The following KMT2D variants were observed in gnomAD, a reference collection of about 807,000 sequenced individuals.
The protein encoded by KMT2D is lysine methyltransferase 2D, also known as histone-lysine N-methyltransferase 2D.
In KMT2D, 55 loss-of-function variants were observed where a neutral mutation model predicts 512.7. The ratio of observed to expected loss-of-function variants is 0.11; its 90% CI spans 0.09 to 0.13. KMT2D has a LOEUF of 0.13. KMT2D is among the 10% of genes least tolerant of loss of function. KMT2D has a pLI of 1.00. For missense variants in KMT2D, 6,061 were observed against 7,127.9 expected, an observed-to-expected ratio of 0.85 and a Z score of 5.39; for synonymous variants, 2,995 against 2,904.0, an observed-to-expected ratio of 1.03 and a Z score of -1.01.
At position 49,040,641 on chromosome 12, in the gene KMT2D, G is replaced by C. The variant is rs750933281; in HGVS notation, c.7129C>G (p.Pro2377Ala). The C allele has an allele frequency of 1.2e-6, 2 of 1,613,692 alleles. No homozygotes were observed. The highest frequency in any genetic ancestry group is 1.7e-6 in the Non-Finnish European group (2 of 1,179,764). ...DIFRPGSYTD[P>A]YAQPPLTPRP... is the part of the protein sequence containing the mutation. ...GGAGTCAATGGGGGCTGAGCATATGGGTCAGTGTAGGAGCCAGGGCGAAAG... is the reference window on the plus strand; with the variant it reads ...GGAGTCAATGGGGGCTGAGCATATGCGTCAGTGTAGGAGCCAGGGCGAAAG... The change falls in exon 32 of 55, where the codon CCA becomes GCA. Residue 2377 changes from proline (P) to alanine (A), a missense_variant. Around this residue, in one of 16 missense-constraint regions of KMT2D, gnomAD observed 710 missense variants for 647.3 expected, o/e 1.10. Transcript: ENST00000301067.
rs1938203013 is a variant in KMT2D at position 49,053,400 on chromosome 12, C to T, written c.839+76G>A. Reference sequence around the variant, plus strand: ...TTTTTGTTGTTTTCATGTTAACAGGCCTTCTCCGACTGCCCTCATTTTCAA... The same window carrying T: ...TTTTTGTTGTTTTCATGTTAACAGGTCTTCTCCGACTGCCCTCATTTTCAA... On this transcript the variant is annotated intron_variant, in intron 7 of 54. Transcript: ENST00000301067. 3 of 1,605,432 alleles carry T rather than the reference C, an allele frequency of 1.9e-6. No homozygotes were observed. The South Asian group carries it at 3.3e-5, about 18-fold the overall frequency.
Position 49,040,211 on chromosome 12 carries a change from C to G in KMT2D, c.7559G>C (p.Arg2520Pro), listed in dbSNP as rs369965791. ...CACAAATGCACCCGTCCCAGGGGAC[C>G]GGACAAAATTGGGGGGCTGCCCACT... The part of the protein sequence containing the change: ...VPSGQPPNFV[R>P]SPGTGAFVGT... The change falls in exon 32 of 55, where the codon CGG becomes CCG. Residue 2520 changes from arginine (R) to proline (P), a missense_variant. Arg to Pro is a moderately radical substitution (Grantham distance 103). This residue lies in a region of KMT2D where 710 missense variants were observed against 647.3 expected (regional missense o/e 1.10). Transcript: ENST00000301067. 1 of 1,613,218 alleles carries G rather than the reference C, an allele frequency of 6.2e-7. No individual in the cohort carries two copies. Among genetic ancestry groups the G allele is most frequent in the Admixed American group, 1.7e-5 (1 of 59,980 alleles).
intron 24 of KMT2D, 83 bp from the exon 25 acceptor site, chr12:49,043,511 G>T: frequency 5.0e-6 from 8 of 1,590,008 alleles, no homozygotes; most frequent in Non-Finnish European, 6.9e-6. Context: ...AGCCCTACAG[G>T]CCAGGACCCT....
At position 49,048,778 on chromosome 12, in the gene KMT2D, CAG is replaced by C. The variant is rs55776244; in HGVS notation, c.4021-11_4021-10del. ...CTATCAATGTCAGCAACCTGATGGG[CAG>C]AGAGTTATGGAAAGTGAGGCAGATA... On this transcript the variant is annotated splice_polypyrimidine_tract_variant and intron_variant, in intron 13 of 54. Transcript: ENST00000301067. 52,406 of 1,562,362 alleles carry C rather than the reference CAG, an allele frequency of 0.034. 1,417 individuals carry two copies. Among genetic ancestry groups the C allele is most frequent in the African/African-American group, 0.13 (9,778 of 73,986 alleles).
Position 49,033,230 on chromosome 12 carries a change from T to C in KMT2D, c.11475A>G (p.Arg3825=). The part of the protein sequence containing the change: ...PGALGPQGPH[R]QVLMTQSRVL... ...CCCGGGACTGGGTCATAAGCACCTG[T>C]CTGTGAGGGCCCTGGGGGCCCAAAG... Residue 3825 remains arginine, a synonymous_variant, in exon 40 of 55, where the codon AGA becomes AGG. Transcript: ENST00000301067. 1.9e-6 allele frequency: 3 copies of C among 1,552,222 alleles called. No homozygotes were observed. The highest frequency in any genetic ancestry group is 2.6e-6 in the Non-Finnish European group (3 of 1,147,402).
chr12:49,034,941 G>A lies in KMT2D; in HGVS notation c.10232-6C>T, dbSNP rs2120462409. ...TGCAGCAAATTTGTCCAGGTCTGGA[G>A]AGGGGAGAACCAAGTGAGCTGGGCT... is the stretch of plus-strand genomic sequence containing the variant. On this transcript the variant is annotated splice_polypyrimidine_tract_variant and splice_region_variant and intron_variant, in intron 35 of 54. Coordinates refer to ENST00000301067, the MANE Select transcript of KMT2D (RefSeq NM_003482.4). 3 of 1,613,940 alleles carry A rather than the reference G, an allele frequency of 1.9e-6. No individual in the cohort carries two copies. Among genetic ancestry groups the A allele is most frequent in the South Asian group, 1.1e-5 (1 of 91,070 alleles).
Position 49,038,627 on chromosome 12 carries a change from C to T in KMT2D, c.8729G>A (p.Ser2910Asn). 6.2e-7 allele frequency: 1 copy of T among 1,613,136 alleles called. No individual in the cohort carries two copies. Among genetic ancestry groups the T allele is most frequent in the Non-Finnish European group, 8.5e-7 (1 of 1,179,790 alleles). Residue 2910 changes from serine to asparagine, a missense_variant, in exon 35 of 55, where the codon AGT becomes AAT. Ser to Asn is a conservative substitution (Grantham distance 46). Coordinates refer to ENST00000301067, the MANE Select transcript of KMT2D (RefSeq NM_003482.4). This position sits in a 1 kb window ranked among gnomAD's most constrained non-coding sequence, Gnocchi z 5.7. Reference sequence around the variant, plus strand: ...AGGAGCCAGTCGGTGGGGGTCCTCACTTACAGGGTAAAAACGGGGTCTCTG... The same window carrying T: ...AGGAGCCAGTCGGTGGGGGTCCTCATTTACAGGGTAAAAACGGGGTCTCTG... Reference protein sequence around the residue: ...PPQRPRFYPVSEDPHRLAPEG... With the variant: ...PPQRPRFYPVNEDPHRLAPEG...
Position 49,044,721 on chromosome 12 carries a change from TC to T in KMT2D, c.4963+22del. 1 of 1,602,586 alleles carries T rather than the reference TC, an allele frequency of 6.2e-7. No homozygotes were observed. The highest frequency in any genetic ancestry group is 8.5e-7 in the Non-Finnish European group (1 of 1,170,542). On this transcript the variant is annotated intron_variant, in intron 20 of 54. Coordinates refer to ENST00000301067, the MANE Select transcript of KMT2D (RefSeq NM_003482.4). This position sits in a 1 kb window ranked among gnomAD's most constrained non-coding sequence, Gnocchi z 6.4. The stretch of plus-strand genomic sequence containing the variant: ...AGTCACGCTCCCCCTACTCTGCCGC[TC>T]CCTAAGATTCCCCAAGCTAACCTTC...
rs369800371 is a variant in KMT2D, at chr12:49,043,671, C to T, written c.5431G>A (p.Gly1811Ser). The change falls in exon 24 of 55, where the codon GGC (glycine) becomes AGC (serine). Residue 1811 changes from glycine (G) to serine (S), a missense_variant. Transcript: ENST00000301067. ...LGTPKAKGDGGSERKELPTSQ... is the reference protein window; with the variant it reads ...LGTPKAKGDGSSERKELPTSQ... Reference sequence around the variant, plus strand: ...GTGGGGAGTTCCTTCCTTTCTGAGCCTCCATCTCCCTTGGCTTTTGGGGTC... The same window carrying T: ...GTGGGGAGTTCCTTCCTTTCTGAGCTTCCATCTCCCTTGGCTTTTGGGGTC... The T allele has an allele frequency of 2.4e-5, 39 of 1,613,944 alleles. No individual in the cohort carries two copies. The highest frequency in any genetic ancestry group is 3.3e-5 in the Admixed American group (2 of 60,010).
chr12:49,029,228 C>T lies in KMT2D; in HGVS notation c.14084G>A (p.Ser4695Asn), dbSNP rs2120394583. The change falls in exon 45 of 55, where the codon AGT (serine) becomes AAT (asparagine). Residue 4695 changes from serine (S) to asparagine (N), a missense_variant. By Grantham distance (46) the Ser-to-Asn change is conservative. Coordinates refer to ENST00000301067, the MANE Select transcript of KMT2D (RefSeq NM_003482.4). ...HNQTEDVRME[S>N]DEDSDSPDSI... ...GTCAGGAGAATCGCTATCCTCATCA[C>T]TCTCCATCCTGGGGACCAAAAGTAG... 1 of 1,611,488 alleles carries T rather than the reference C, an allele frequency of 6.2e-7. No homozygotes were observed. The highest frequency in any genetic ancestry group is 1.7e-4 in the Middle Eastern group (1 of 6,058).
Position 49,038,867 on chromosome 12 carries a change from C to A in KMT2D, c.8489G>T (p.Arg2830Leu), listed in dbSNP as rs1271513534. 2 of 1,552,220 alleles carry A rather than the reference C, an allele frequency of 1.3e-6. No homozygotes were observed. Among genetic ancestry groups the A allele is most frequent in the East Asian group, 2.4e-5 (1 of 40,958 alleles). ...TGGAAAGCGAGCTGACATGGCAAAT[C>A]GCATGGAGGTTGCTGCTGTTGCCTG... The part of the protein sequence containing the change: ...QQQATAATSM[R>L]FAMSARFPST... Residue 2830 changes from arginine (R) to leucine (L), a missense_variant, in exon 35 of 55, where the codon CGA becomes CTA. Around this residue, in one of 16 missense-constraint regions of KMT2D, gnomAD observed 527 missense variants for 578.9 expected, o/e 0.91. Transcript: ENST00000301067. The surrounding 1 kb of genome is among the most constrained non-coding windows in gnomAD (Gnocchi z 5.7).
chr12:49,024,517 A>C lies in KMT2D; in HGVS notation c.16052+61T>G. On this transcript the variant is annotated intron_variant, in intron 51 of 54. Transcript: ENST00000301067. This position sits in a 1 kb window ranked among gnomAD's most constrained non-coding sequence, Gnocchi z 4.5. ...CTGTATCCTAAATCCTCATAATGGG[A>C]CCAGAGGATCCCTGTCAACACCCAC... 1 of 1,542,254 alleles carries C rather than the reference A, an allele frequency of 6.5e-7. No individual in the cohort carries two copies. Among genetic ancestry groups the C allele is most frequent in the Non-Finnish European group, 8.7e-7 (1 of 1,143,598 alleles).
chr12:49,022,053 T>C lies in KMT2D; in HGVS notation c.16511A>G (p.Lys5504Arg), dbSNP rs778927282. Residue 5504 changes from lysine (K) to arginine (R), a missense_variant, in exon 54 of 55, where the codon AAA (lysine) becomes AGA (arginine). By Grantham distance (26) the Lys-to-Arg change is conservative. Transcript: ENST00000301067. This position sits in a 1 kb window ranked among gnomAD's most constrained non-coding sequence, Gnocchi z 8.6. The stretch of plus-strand genomic sequence containing the variant: ...GATACTTCCTCTCACCTCCTCTCCT[T>C]TGGGGATTCGCCGGCTGGAGATGAT... ...IIIISSRRIP[K>R]GEELTYDYQF... The C allele has an allele frequency of 1.9e-6, 3 of 1,613,154 alleles. No individual in the cohort carries two copies. The highest frequency in any genetic ancestry group is 2.2e-5 in the East Asian group (1 of 44,882).
In KMT2D at chr12:49,049,749, C is replaced by T. The variant is rs1937813348; in HGVS notation, c.3839G>A (p.Ser1280Asn). 1 of 1,609,390 alleles carries T rather than the reference C, an allele frequency of 6.2e-7. No individual in the cohort carries two copies. The highest frequency in any genetic ancestry group is 8.5e-7 in the Non-Finnish European group (1 of 1,176,010). ...CTTCTCCCCCTCAGCTTTGCCTCCG[C>T]TGATAGCTGTCCCAGCATCGCACAA... ...SLLCDAGTAI[S>N]GGKAEGEKGR... Residue 1280 changes from serine (S) to asparagine (N), a missense_variant, in exon 12 of 55, where the codon AGC becomes AAC. By Grantham distance (46) the Ser-to-Asn change is conservative. Around this residue, in one of 16 missense-constraint regions of KMT2D, gnomAD observed 447 missense variants for 500.1 expected, o/e 0.89. Coordinates refer to ENST00000301067, the MANE Select transcript of KMT2D (RefSeq NM_003482.4).
rs1320248949 is a variant in KMT2D at position 49,052,035 on chromosome 12, C to G, written c.1648G>C (p.Glu550Gln). 1 of 1,612,630 alleles carries G rather than the reference C, an allele frequency of 6.2e-7. No homozygotes were observed. The highest frequency in any genetic ancestry group is 1.3e-5 in the African/African-American group (1 of 74,450). The change falls in exon 11 of 55, where the codon GAA becomes CAA. Residue 550 changes from glutamate (E) to glutamine (Q), a missense_variant. This residue lies in a region of KMT2D where 848 missense variants were observed against 838.5 expected (regional missense o/e 1.01). Coordinates refer to ENST00000301067, the MANE Select transcript of KMT2D (RefSeq NM_003482.4). ...PEASPLSPPF[E>Q]ESPLSPPPEE... ...GGTGGCGGGGACAAAGGAGATTCTT[C>G]AAATGGTGGGGACAGGGGCGATGCT...
chr12:49,046,455 A>G lies in KMT2D; in HGVS notation c.4419-31T>C. 1 of 1,607,586 alleles carries G rather than the reference A, an allele frequency of 6.2e-7. No individual in the cohort carries two copies. The highest frequency in any genetic ancestry group is 1.1e-5 in the South Asian group (1 of 90,766). The stretch of plus-strand genomic sequence containing the variant: ...AGGAGCAGGAAAACAGAGCTTTAGC[A>G]CCCAACCTACCCGAAGTACCCAGAA... On this transcript the variant is annotated intron_variant, in intron 16 of 54. Transcript: ENST00000301067. This position sits in a 1 kb window ranked among gnomAD's most constrained non-coding sequence, Gnocchi z 4.2.
chr12:49,022,242 AG>A lies in KMT2D; in HGVS notation c.16412+37del. On this transcript the variant is annotated intron_variant, in intron 53 of 54. Transcript: ENST00000301067. This position sits in a 1 kb window ranked among gnomAD's most constrained non-coding sequence, Gnocchi z 8.6. ...GTCTATCCCCCAGAGTGCCACTCTC[AG>A]GGACCACTAAATCCCTCCTTCCTCG... The A allele has an allele frequency of 6.3e-7, 1 of 1,590,082 alleles. No homozygotes were observed. Among genetic ancestry groups the A allele is most frequent in the African/African-American group, 1.3e-5 (1 of 74,528 alleles).
rs1173643859 is a variant in KMT2D, at chr12:49,021,253, G to A, written c.*527C>T. ...AGACAGAAACACAGAGGAAAAGAGG[G>A]AAACAGAGACAGATCAAGAGGGAGG... On this transcript the variant is annotated 3_prime_UTR_variant, in exon 55 of 55. Coordinates refer to ENST00000301067, the MANE Select transcript of KMT2D (RefSeq NM_003482.4). 1.1e-5 allele frequency: 2 copies of A among 181,810 alleles called. No homozygotes were observed. The highest frequency in any genetic ancestry group is 2.3e-5 in the Non-Finnish European group (2 of 88,238). 11.3% of individuals were successfully genotyped at this position (181,810 alleles called of 1,614,324 possible).
In KMT2D at chr12:49,038,723, A is replaced by G. The variant is rs1454719149; in HGVS notation, c.8633T>C (p.Ile2878Thr). ...VPGPAGPAQFIELRHNVQKGL... is the reference protein window; with the variant it reads ...VPGPAGPAQFTELRHNVQKGL... ...TTTCTGTACATTGTGCCGCAGCTCAATGAACTGGGCAGGACCAGCTGGACC... is the reference window on the plus strand; with the variant it reads ...TTTCTGTACATTGTGCCGCAGCTCAGTGAACTGGGCAGGACCAGCTGGACC... The change falls in exon 35 of 55, where the codon ATT becomes ACT. Residue 2878 changes from isoleucine (I) to threonine (T), a missense_variant. Physicochemically the swap from Ile to Thr is moderately conservative, Grantham distance 89. Around this residue, in one of 16 missense-constraint regions of KMT2D, gnomAD observed 527 missense variants for 578.9 expected, o/e 0.91. Transcript: ENST00000301067. The surrounding 1 kb of genome is among the most constrained non-coding windows in gnomAD (Gnocchi z 5.7). 6.2e-7 allele frequency: 1 copy of G among 1,609,832 alleles called. No homozygotes were observed. The highest frequency in any genetic ancestry group is 8.5e-7 in the Non-Finnish European group (1 of 1,178,340).
Sources: gnomAD v4.1 joint callset for allele counts on GRCh38, gnomAD v4.1.1 for gene constraint, gnomAD v4.1.1 regional missense constraint, Gnocchi (gnomAD v3.1) non-coding constraint, MANE v1.5 for transcripts, NCBI Gene and HGNC (gene_info 2026-07-23, HGNC 2026-07-21) for gene names.